TENM1: variants seen among roughly 807,000 people sequenced by gnomAD.
TENM1 encodes the protein teneurin transmembrane protein 1.
TENM1 carries 35 observed loss-of-function variants against 174.8 expected under a neutral mutation model. The ratio of observed to expected loss-of-function variants is 0.20; its 90% confidence interval spans 0.15 to 0.27. TENM1 has a LOEUF of 0.27. TENM1 is among the 10% of genes least tolerant of loss of function. TENM1 has a pLI of 1.00. For synonymous variants in TENM1, 781 were observed against 798.7 expected (o/e 0.98, Z 0.37); for missense variants, 1,633 against 2,130.1 (o/e 0.77, Z 4.59).
chrX:124,549,525 G>T (rs1170008855), intron 14 of TENM1, among the ~76,000 whole-genome samples: 1 of 110,178 alleles, frequency 9.1e-6, no homozygotes, highest in Non-Finnish European at 1.9e-5. Context: ...TGCCAAAAAC[G>T]ATCTTAAAAA....
chrX:125,010,198 T>C, the TENM1 span, among the ~76,000 whole-genome samples: 1 of 111,074 alleles, frequency 9.0e-6, no homozygotes, highest in Non-Finnish European at 1.9e-5. Flanking sequence ...ATAAAACCAA[T>C]GTGCAAAAAT....
At chrX:124,559,851 C>G in intron 14 of TENM1, among the ~76,000 whole-genome samples, 1 of 111,016 alleles carries the variant, frequency 9.0e-6, no homozygotes, top group Non-Finnish European at 1.9e-5. Context: ...AAACCATATA[C>G]AGAATATAAT....
chrX:125,143,328 T>C, the TENM1 span, among the ~76,000 whole-genome samples: 2 of 112,158 alleles, frequency 1.8e-5, no homozygotes, highest in African/African-American at 6.5e-5. Flanking sequence ...AATTTGTTAT[T>C]CTTGAATGTG....
intron 22 of TENM1, among the ~76,000 whole-genome samples, chrX:124,474,816 A>G (rs1362219307): frequency 2.7e-5 from 3 of 112,195 alleles, no homozygotes; most frequent in African/African-American, 9.7e-5. Context: ...TTCTGGTTGT[A>G]TAACAGGCAC....
chrX:124,733,384 G>C (rs1277175672), intron 4 of TENM1, among the ~76,000 whole-genome samples: 2 of 112,590 alleles, frequency 1.8e-5, no homozygotes, highest in African/African-American at 6.5e-5. Flanking sequence ...GCAAAGGCAA[G>C]TGGCCACTTA....
intron 3 of TENM1, among the ~76,000 whole-genome samples, chrX:124,821,913 G>C (rs1290767887): frequency 8.9e-6 from 1 of 112,065 alleles, no homozygotes; most frequent in Non-Finnish European, 1.9e-5. Flanking sequence ...AGCCATCACA[G>C]ATTACTAGGG....
the TENM1 span, among the ~76,000 whole-genome samples, chrX:125,111,871 A>T: frequency 8.9e-6 from 1 of 111,795 alleles, no homozygotes; most frequent in African/African-American, 3.2e-5. Context: ...GACTAACATT[A>T]TGAATGACAA....
intron 1 of TENM1, among the ~76,000 whole-genome samples, chrX:124,906,013 G>A (rs1179752553): frequency 1.8e-5 from 2 of 111,724 alleles, no homozygotes; most frequent in East Asian, 2.8e-4. Flanking sequence ...GATGTTCCTC[G>A]ACTTACAATG....
intron 5 of TENM1, among the ~76,000 whole-genome samples, chrX:124,703,267 A>G (rs2052817693): frequency 8.9e-6 from 1 of 111,829 alleles, no homozygotes; most frequent in Admixed American, 9.5e-5. Flanking sequence ...CTATTGAACT[A>G]TACTGTCTTA....
chrX:125,163,158 A>T, the TENM1 span, among the ~76,000 whole-genome samples: 23 of 111,570 alleles, frequency 2.1e-4, no homozygotes, highest in African/African-American at 7.2e-4. Context: ...ATTATCTGGA[A>T]GCTGGACAGA....
chrX:124,734,931 C>T (rs1331838918), intron 4 of TENM1, among the ~76,000 whole-genome samples: 1 of 111,688 alleles, frequency 9.0e-6, no homozygotes, highest in Admixed American at 9.5e-5. Context: ...TCACTGTATA[C>T]AAAAATTAAC....
exon 32 of TENM1, chrX:124,377,355 A>G (rs1207160252): frequency 9.0e-6 from 1 of 111,001 alleles, no homozygotes; most frequent in Non-Finnish European, 1.9e-5. Context: ...AGATAAATTG[A>G]CAGTAAAGGA....
chrX:124,504,403 G>GCCA (rs2148000042), intron 18 of TENM1, among the ~76,000 whole-genome samples: 1 of 112,119 alleles, frequency 8.9e-6, no homozygotes, highest in East Asian at 2.8e-4. Flanking sequence ...ACCTCGGTAT[G>GCCA]CCACTGAAAT....
At chrX:125,122,278 G>A in the TENM1 span, among the ~76,000 whole-genome samples, 1 of 111,416 alleles carries the variant, frequency 9.0e-6, no homozygotes, top group African/African-American at 3.3e-5. Context: ...ATGTGGTTAT[G>A]TCAATATGAC....
At chrX:124,581,039 T>G (rs1360900602) in intron 11 of TENM1, among the ~76,000 whole-genome samples, 3 of 106,915 alleles carry the variant, frequency 2.8e-5, no homozygotes. Context: ...TCCGTGTGGC[T>G]ACAAAGAACA....
At chrX:124,467,327 G>T (rs767087924) in intron 22 of TENM1, among the ~76,000 whole-genome samples, 1 of 111,863 alleles carries the variant, frequency 8.9e-6, no homozygotes, top group East Asian at 2.8e-4. Flanking sequence ...TTCCTCAGGG[G>T]GAAACTTTAA....
the TENM1 span, among the ~76,000 whole-genome samples, chrX:125,108,753 T>C: frequency 9.1e-6 from 1 of 109,912 alleles, no homozygotes; most frequent in Non-Finnish European, 1.9e-5. Context: ...CACGTGTATA[T>C]ATATATATAC....
intron 5 of TENM1, 35 bp downstream of exon 8, chrX:124,704,978 A>T: frequency 9.1e-7 from 1 of 1,100,587 alleles, no homozygotes; most frequent in Non-Finnish European, 1.2e-6. Context: ...GACTTTGATT[A>T]AGAACAAAAC....
intron 23 of TENM1, among the ~76,000 whole-genome samples, chrX:124,445,801 C>G (rs1054378364): frequency 8.9e-6 from 1 of 112,199 alleles, no homozygotes; most frequent in African/African-American, 3.2e-5. Context: ...GAAACTTGCT[C>G]TAACTCCCAA....
Sources: allele counts gnomAD v4.1 joint callset (sites outside exome capture counted in the v4.1 genomes callset), GRCh38; gene constraint gnomAD v4.1.1; transcripts MANE v1.5; gene names NCBI Gene and HGNC (gene_info 2026-07-23, HGNC 2026-07-21).